DNAH8: variants seen among roughly 807,000 people sequenced by gnomAD.
DNAH8 encodes axonemal beta dynein heavy chain 8.
A neutral mutation model predicts 562.1 loss-of-function variants in DNAH8; 382 were observed. The observed-to-expected ratio is 0.68, with a 90% confidence interval of 0.63 to 0.74. The LOEUF is 0.74. Ranked by LOEUF, DNAH8 falls within the 30% of genes least tolerant of loss-of-function variation. The pLI is 0.00. For synonymous variants in DNAH8, 1,881 were observed against 1,919.4 expected (o/e 0.98, Z 0.52); for missense variants, 5,203 against 5,620.4 (o/e 0.93, Z 2.37).
chr6:38,917,550 T>G, intron 69 of DNAH8, 144 bp downstream of exon 69: 1 of 716,842 alleles, frequency 1.4e-6, no homozygotes, highest in Non-Finnish European at 2.3e-6. Context: ...TCACCTAAAA[T>G]GTAAAGAGGG....
Position 38,896,156 on chromosome 6 carries a change from T to A in DNAH8, c.8871T>A (p.Arg2957=), listed in dbSNP as rs200109265. The A allele has an allele frequency of 5.2e-4, 846 of 1,613,732 alleles. 1 individual carries two copies. Among genetic ancestry groups the A allele is most frequent in the Non-Finnish European group, 6.6e-4 (782 of 1,179,780 alleles). The part of the protein sequence containing the change: ...LPEPYFVDFL[R]EMPEPTGDEP... The stretch of plus-strand genomic sequence containing the variant: ...AACCATACTTTGTGGATTTTCTTCG[T>A]GAGATGCCAGAACCAACTGGTGATG... The change falls in exon 60 of 93, where the codon CGT becomes CGA. Residue 2957 remains arginine, a synonymous_variant. Transcript: ENST00000327475.
chr6:38,791,912 C>T (rs984679324), intron 21 of DNAH8, among the ~76,000 whole-genome samples: 2 of 152,090 alleles, frequency 1.3e-5, no homozygotes, highest in Non-Finnish European at 2.9e-5. Flanking sequence ...TCCTGGGGCT[C>T]TGTAAGTGGT....
rs770667523 is a variant in DNAH8, at chr6:38,873,154, CAG to C, written c.7479+13_7479+14del. ...CTGGAGGCCAATCTTACAGGTGGGG[CAG>C]AGAGATGGGAAGAAGAACCCTCAGA... On this transcript the variant is annotated splice_region_variant and intron_variant, in intron 51 of 92. Transcript: ENST00000327475. 15 of 1,613,132 alleles carry C rather than the reference CAG, an allele frequency of 9.3e-6. No homozygotes were observed. Among genetic ancestry groups the C allele is most frequent in the Non-Finnish European group, 1.3e-5 (15 of 1,179,932 alleles).
chr6:38,932,144 G>C, intron 76 of DNAH8, 151 bp downstream of exon 76: 1 of 442,684 alleles, frequency 2.3e-6, no homozygotes, highest in Non-Finnish European at 3.8e-6. Flanking sequence ...CTTAATTCCT[G>C]TCAAGAAATC....
chr6:38,860,946 C>A (rs1445867374), intron 43 of DNAH8, among the ~76,000 whole-genome samples: 1 of 152,056 alleles, frequency 6.6e-6, no homozygotes, highest in Non-Finnish European at 1.5e-5. Flanking sequence ...AAGGAAGGTC[C>A]CTTGGAGATC....
At chr6:38,965,530 A>G (rs1283363857) in intron 82 of DNAH8, among the ~76,000 whole-genome samples, 1 of 152,220 alleles carries the variant, frequency 6.6e-6, no homozygotes, top group African/African-American at 2.4e-5. Flanking sequence ...AGTAAATCCA[A>G]AAAAATAAGA....
intron 62 of DNAH8, 28 bp from the exon 63 acceptor site, chr6:38,906,226 T>TCC: frequency 1.3e-6 from 2 of 1,488,670 alleles, no homozygotes; most frequent in Non-Finnish European, 1.8e-6. Flanking sequence ...TTTTTTAATC[T>TCC]AAAACTTTCT....
At chr6:38,939,851 G>C (rs1198145797) in intron 79 of DNAH8, among the ~76,000 whole-genome samples, 3 of 152,128 alleles carry the variant, frequency 2.0e-5, no homozygotes, top group Non-Finnish European at 4.4e-5. Context: ...CATTTGAGGT[G>C]GACCCTGAAG....
chr6:38,741,729 C>A lies in DNAH8; in HGVS notation c.1135C>A (p.Gln379Lys). 1.2e-6 allele frequency: 2 copies of A among 1,612,234 alleles called. No homozygotes were observed. Among genetic ancestry groups the A allele is most frequent in the Non-Finnish European group, 1.7e-6 (2 of 1,179,334 alleles). The change falls in exon 8 of 93, where the codon CAG becomes AAG. Residue 379 changes from glutamine (Q) to lysine (K), a missense_variant. By Grantham distance (53) the Gln-to-Lys change is moderately conservative. Transcript: ENST00000327475. ...ACTGCAGGTACTTATTGAGAGTGAGCAGATGAGAAAAGAAGCTGGTGATTC... is the reference window on the plus strand; with the variant it reads ...ACTGCAGGTACTTATTGAGAGTGAGAAGATGAGAAAAGAAGCTGGTGATTC... The part of the protein sequence containing the change: ...QIEQVLIESE[Q>K]MRKEAGDSGP...
Position 38,868,050 on chromosome 6 carries a change from C to T in DNAH8, c.6694-12C>T, listed in dbSNP as rs1180341436. 1 of 1,603,772 alleles carries T rather than the reference C, an allele frequency of 6.2e-7. No individual in the cohort carries two copies. Among genetic ancestry groups the T allele is most frequent in the Non-Finnish European group, 8.5e-7 (1 of 1,176,914 alleles). Reference sequence around the variant, plus strand: ...AATTAAACCATCTTTTTGCCCTCTTCTCCCATCTCAGGTTCATTATGACTT... The same window carrying T: ...AATTAAACCATCTTTTTGCCCTCTTTTCCCATCTCAGGTTCATTATGACTT... On this transcript the variant is annotated splice_polypyrimidine_tract_variant and intron_variant, in intron 47 of 92. Transcript: ENST00000327475.
At chr6:38,858,212 C>T (rs1476692613) in intron 42 of DNAH8, among the ~76,000 whole-genome samples, 1 of 152,140 alleles carries the variant, frequency 6.6e-6, no homozygotes, top group Admixed American at 6.5e-5. Flanking sequence ...GTGGCCTTGA[C>T]CAAGGCCAAC....
intron 26 of DNAH8, among the ~76,000 whole-genome samples, chr6:38,822,072 A>T (rs1583099216): frequency 6.6e-6 from 1 of 152,206 alleles, no homozygotes; most frequent in East Asian, 1.9e-4. Context: ...CTAAAACTAT[A>T]GGTGAAATTC....
intron 9 of DNAH8, among the ~76,000 whole-genome samples, chr6:38,754,088 G>T (rs1765706288): frequency 6.6e-6 from 1 of 152,068 alleles, no homozygotes; most frequent in African/African-American, 2.4e-5. Flanking sequence ...TTTTATGTAT[G>T]TTTCATTTTT....
intron 3 of DNAH8, among the ~76,000 whole-genome samples, chr6:38,723,970 T>TTAA (rs1762986742): frequency 1.4e-5 from 2 of 142,300 alleles, no homozygotes; most frequent in Non-Finnish European, 1.6e-5. Flanking sequence ...TCTTTTTAAA[T>TTAA]TTAATTAATT....
intron 10 of DNAH8, among the ~76,000 whole-genome samples, chr6:38,761,357 A>G (rs1206916201): frequency 7.1e-6 from 1 of 140,326 alleles, no homozygotes; most frequent in Non-Finnish European, 1.5e-5. Flanking sequence ...GTTGCTCTTC[A>G]TTTTTGTACC....
rs1419018752 is a variant in DNAH8 at position 38,924,850 on chromosome 6, A to G, written c.10962+688A>G. The G allele has an allele frequency of 1.3e-5, 2 of 152,168 alleles. 1 individual carries two copies. The highest frequency in any genetic ancestry group is 6.3e-3 in the Middle Eastern group (2 of 316). 9.4% of individuals were successfully genotyped at this position (152,168 alleles called of 1,614,324 possible). The stretch of plus-strand genomic sequence containing the variant: ...TTATTTGCTATCTTTTTTAGTGTCT[A>G]AAAACGTAACAGAATAGCATGTTCT... On this transcript the variant is annotated intron_variant, in intron 73 of 92. Transcript: ENST00000327475.
chr6:38,903,545 A>AG (rs1240680529), intron 62 of DNAH8, among the ~76,000 whole-genome samples: 4 of 151,396 alleles, frequency 2.6e-5, no homozygotes, highest in African/African-American at 9.7e-5. Flanking sequence ...CGAGATTTGG[A>AG]GGGGACAAAC....
rs992966820 is a variant in DNAH8, at chr6:38,883,991, G to A, written c.8252G>A (p.Gly2751Glu). Residue 2751 changes from glycine to glutamate, a missense_variant, in exon 56 of 93, where the codon GGA becomes GAA. Physicochemically the swap from Gly to Glu is moderately conservative, Grantham distance 98. This residue lies in a region of DNAH8 where 977 missense variants were observed against 1,061.8 expected (regional missense o/e 0.92). Coordinates refer to ENST00000327475, the MANE Select transcript of DNAH8 (RefSeq NM_001206927.2). ...AATATGCCTGTGATTAATGAGTGGG[G>A]AGATCAGGTATGGCTGAAATATCTC... is the stretch of plus-strand genomic sequence containing the variant. Reference protein sequence around the residue: ...DINMPVINEWGDQITNEIVRQ... With the variant: ...DINMPVINEWEDQITNEIVRQ... The A allele has an allele frequency of 1.3e-6, 2 of 1,555,728 alleles. No individual in the cohort carries two copies. The highest frequency in any genetic ancestry group is 1.4e-5 in the African/African-American group (1 of 73,184).
intron 85 of DNAH8, among the ~76,000 whole-genome samples, chr6:38,977,578 C>G (rs1411470597): frequency 6.6e-6 from 1 of 152,130 alleles, no homozygotes; most frequent in Non-Finnish European, 1.5e-5. Context: ...TCTGTGCTTT[C>G]CTGGGTGGTG....
Sources: gnomAD v4.1 joint callset for allele counts (sites outside exome capture counted in the v4.1 genomes callset) on GRCh38, gnomAD v4.1.1 for gene constraint, gnomAD v4.1.1 regional missense constraint, MANE v1.5 for transcripts, NCBI Gene and HGNC (gene_info 2026-07-23, HGNC 2026-07-21) for gene names.